VKORC1L1: variants seen among roughly 807,000 people sequenced by gnomAD.
The protein encoded by VKORC1L1 is vitamin K epoxide reductase complex subunit 1L1, also known as vitamin K epoxide reductase complex subunit 1-like protein 1.
In VKORC1L1, 2 loss-of-function variants were observed where a neutral mutation model predicts 18.9. That is an observed-to-expected ratio of 0.11 (90% CI 0.04 to 0.33). The LOEUF is 0.33. VKORC1L1 is among the 10% of genes least tolerant of loss of function. VKORC1L1 has a pLI of 1.00. For missense variants in VKORC1L1, 123 were observed against 224.1 expected (o/e 0.55, Z 2.88); for synonymous variants, 96 against 100.0 (o/e 0.96, Z 0.24).
chr7:65,926,050 A>G (rs573669375), intron 1 of VKORC1L1, among the ~76,000 whole-genome samples: 1 of 152,236 alleles, frequency 6.6e-6, no homozygotes, highest in Non-Finnish European at 1.5e-5. Flanking sequence ...CACCTATGGT[A>G]ACATCTGTAA....
At chr7:65,941,665 T>C (rs1790034984) in intron 1 of VKORC1L1, among the ~76,000 whole-genome samples, 1 of 149,566 alleles carries the variant, frequency 6.7e-6, no homozygotes, top group East Asian at 2.0e-4. Context: ...GTGTTTCTTT[T>C]TCTTAAGGTT....
chr7:65,945,021 G>A (rs1211982750), intron 1 of VKORC1L1, among the ~76,000 whole-genome samples: 5 of 152,158 alleles, frequency 3.3e-5, no homozygotes, highest in African/African-American at 1.2e-4. Context: ...AGCACTTTGG[G>A]AGGCCAAGGC....
At chr7:65,933,779 T>A (rs1243705380) in intron 1 of VKORC1L1, among the ~76,000 whole-genome samples, 1 of 152,196 alleles carries the variant, frequency 6.6e-6, no homozygotes, top group Non-Finnish European at 1.5e-5. Context: ...TTGGTATTTT[T>A]TGGTATTTTA....
chr7:65,917,287 C>T (rs1789604688), intron 1 of VKORC1L1, among the ~76,000 whole-genome samples: 2 of 152,114 alleles, frequency 1.3e-5, no homozygotes, highest in South Asian at 4.1e-4. Context: ...TTGATTTAGG[C>T]CTTCATTGTT....
chr7:65,930,737 T>C (rs781459895), intron 1 of VKORC1L1, among the ~76,000 whole-genome samples: 7 of 152,184 alleles, frequency 4.6e-5, no homozygotes, highest in Non-Finnish European at 8.8e-5. Flanking sequence ...TCCTTTATTT[T>C]ACTGGCTAAG....
At chr7:65,934,190 G>A (rs1488420158) in intron 1 of VKORC1L1, among the ~76,000 whole-genome samples, 2 of 151,918 alleles carry the variant, frequency 1.3e-5, no homozygotes, top group African/African-American at 4.8e-5. Context: ...GAGGCCAGAA[G>A]TTCAAGACCA....
chr7:65,937,806 A>G (rs1354696726), intron 1 of VKORC1L1, among the ~76,000 whole-genome samples: 2 of 152,238 alleles, frequency 1.3e-5, no homozygotes, highest in Non-Finnish European at 2.9e-5. Context: ...TGAGAGACAG[A>G]CACATATGGA....
chr7:65,912,163 G>A (rs1487243735), intron 1 of VKORC1L1, among the ~76,000 whole-genome samples: 2 of 152,098 alleles, frequency 1.3e-5, no homozygotes, highest in East Asian at 1.9e-4. Context: ...ATATTTCATC[G>A]TATTGCACTC....
At chr7:65,891,153 CT>C (rs2116360474) in intron 1 of VKORC1L1, among the ~76,000 whole-genome samples, 1 of 145,154 alleles carries the variant, frequency 6.9e-6, no homozygotes, top group East Asian at 2.0e-4. Context: ...ATGAGTTACT[CT>C]TTTTTTCTTG....
At chr7:65,902,639 A>C (rs886721094) in intron 1 of VKORC1L1, among the ~76,000 whole-genome samples, 1 of 152,188 alleles carries the variant, frequency 6.6e-6, no homozygotes, top group Non-Finnish European at 1.5e-5. Context: ...CAGTAAGCCC[A>C]CATATTTAAG....
chr7:65,929,174 T>G (rs1367246189), intron 1 of VKORC1L1, among the ~76,000 whole-genome samples: 1 of 152,088 alleles, frequency 6.6e-6, no homozygotes, highest in Non-Finnish European at 1.5e-5. Flanking sequence ...TTTGGAAGGC[T>G]GAGGCAGACG....
chr7:65,921,148 C>A (rs932114700), intron 1 of VKORC1L1, among the ~76,000 whole-genome samples: 6 of 151,986 alleles, frequency 3.9e-5, no homozygotes, highest in African/African-American at 1.4e-4. Context: ...GTTATAATTT[C>A]TCTCTAAACA....
chr7:65,926,903 G>A (rs1290914582), intron 1 of VKORC1L1, among the ~76,000 whole-genome samples: 1 of 152,148 alleles, frequency 6.6e-6, no homozygotes, highest in Non-Finnish European at 1.5e-5. Context: ...GCTAAGCTAT[G>A]AGTACTCAAA....
intron 1 of VKORC1L1, among the ~76,000 whole-genome samples, chr7:65,895,803 T>C (rs1789199500): frequency 6.6e-6 from 1 of 151,330 alleles, no homozygotes; most frequent in Non-Finnish European, 1.5e-5. Flanking sequence ...CAGTGGTATA[T>C]GTGATGAAAA....
At chr7:65,867,790 G>A in the VKORC1L1 span, among the ~76,000 whole-genome samples, 5 of 152,084 alleles carry the variant, frequency 3.3e-5, no homozygotes, top group Non-Finnish European at 7.4e-5. Flanking sequence ...TGAATTCAAG[G>A]GGGAGGAGCA....
chr7:65,871,803 A>G (rs1426318526), upstream of VKORC1L1, among the ~76,000 whole-genome samples: 1 of 151,886 alleles, frequency 6.6e-6, no homozygotes, highest in Non-Finnish European at 1.5e-5. Context: ...GCTTGATTGT[A>G]TCCTCATGAG....
intron 1 of VKORC1L1, among the ~76,000 whole-genome samples, chr7:65,899,933 G>C (rs1789281881): frequency 6.6e-6 from 1 of 151,542 alleles, no homozygotes; most frequent in African/African-American, 2.4e-5. Context: ...TCAGGCGGCA[G>C]AGGTTGCAGT....
At chr7:65,929,639 G>GATAT (rs145751275) in intron 1 of VKORC1L1, among the ~76,000 whole-genome samples, 16 of 138,170 alleles carry the variant, frequency 1.2e-4, no homozygotes, top group African/African-American at 3.5e-4. Flanking sequence ...AAATGCTACT[G>GATAT]ATATATATAT....
Position 65,873,287 on chromosome 7 carries a change from C to A in VKORC1L1, c.-85C>A, listed in dbSNP as rs1171941246. 1 of 1,021,262 alleles carries A rather than the reference C, an allele frequency of 9.8e-7. No individual in the cohort carries two copies. The highest frequency in any genetic ancestry group is 1.2e-6 in the Non-Finnish European group (1 of 856,300). 63.3% of individuals were successfully genotyped at this position (1,021,262 alleles called of 1,614,324 possible). On this transcript the variant is annotated 5_prime_UTR_variant, in exon 1 of 3. Transcript: ENST00000360768. ...GCGGCGGCGGCGGAGGCGGCGGTGGCGGCGGTGGCGGCTGGGTCGGGCCCC... is the reference window on the plus strand; with the variant it reads ...GCGGCGGCGGCGGAGGCGGCGGTGGAGGCGGTGGCGGCTGGGTCGGGCCCC...
Sources: allele counts gnomAD v4.1 joint callset (sites outside exome capture counted in the v4.1 genomes callset), GRCh38; gene constraint gnomAD v4.1.1; transcripts MANE v1.5; gene names NCBI Gene and HGNC (gene_info 2026-07-23, HGNC 2026-07-21).